DACH2: variants seen among roughly 807,000 people sequenced by gnomAD.
The protein encoded by DACH2 is dachshund homolog 2.
DACH2 carries 17 observed loss-of-function variants against 35.8 expected under a neutral mutation model. That is an observed-to-expected ratio of 0.48 (90% CI 0.33 to 0.71). The LOEUF (loss-of-function observed/expected upper bound fraction) is 0.71, where lower values mean the gene tolerates loss of function less well. Ranked by LOEUF, DACH2 falls within the 30% of genes least tolerant of loss-of-function variation. The pLI is 0.02. For missense variants in DACH2, 469 were observed against 472.7 expected, an observed-to-expected ratio of 0.99 and a Z score of 0.07; for synonymous variants, 195 against 177.3, an observed-to-expected ratio of 1.10 and a Z score of -0.79.
At chrX:86,814,378 A>G (rs1473738543) in intron 9 of DACH2, among the ~76,000 whole-genome samples, 1 of 112,140 alleles carries the variant, frequency 8.9e-6, no homozygotes, top group East Asian at 2.8e-4. Flanking sequence ...AAATGCATAT[A>G]GAGAGTCAAA....
At chrX:86,257,921 A>G (rs1169037257) in intron 1 of DACH2, among the ~76,000 whole-genome samples, 1 of 111,790 alleles carries the variant, frequency 8.9e-6, no homozygotes, top group Non-Finnish European at 1.9e-5. Context: ...TAGTTTGGTT[A>G]GAATCACCAC....
chrX:86,212,199 G>C (rs1475132613), intron 1 of DACH2, among the ~76,000 whole-genome samples: 1 of 111,618 alleles, frequency 9.0e-6, no homozygotes, highest in Non-Finnish European at 1.9e-5. Context: ...TGGCACTGCA[G>C]TTTTTGTGAG....
Position 86,813,125 on chromosome X carries a change from G to A in DACH2, c.1390-5G>A, listed in dbSNP as rs537764064. Reference sequence around the variant, plus strand: ...AACTGCATGTCATTTCCTGTACCTTGACAGGGTCTGCTGAAAGTTGCTTTG... The same window carrying A: ...AACTGCATGTCATTTCCTGTACCTTAACAGGGTCTGCTGAAAGTTGCTTTG... On this transcript the variant is annotated splice_region_variant and splice_polypyrimidine_tract_variant and intron_variant, in intron 8 of 11. Coordinates refer to ENST00000373125, the MANE Select transcript of DACH2 (RefSeq NM_053281.3). The A allele has an allele frequency of 8.3e-7, 1 of 1,204,888 alleles. No individual in the cohort carries two copies.
At chrX:86,285,046 C>CT (rs2034116839) in intron 1 of DACH2, among the ~76,000 whole-genome samples, 1 of 111,245 alleles carries the variant, frequency 9.0e-6, no homozygotes, top group Non-Finnish European at 1.9e-5. Flanking sequence ...TTTATTTAAT[C>CT]TTTTTTATTT....
intron 1 of DACH2, among the ~76,000 whole-genome samples, chrX:86,237,641 G>A (rs1397502729): frequency 9.0e-6 from 1 of 111,593 alleles, no homozygotes; most frequent in Non-Finnish European, 1.9e-5. Context: ...CTACTGGCCC[G>A]AATCTCACAC....
intron 3 of DACH2, among the ~76,000 whole-genome samples, chrX:86,603,145 G>T (rs1328679936): frequency 9.0e-6 from 1 of 111,051 alleles, no homozygotes; most frequent in Non-Finnish European, 1.9e-5. Context: ...TCCTTGGTTT[G>T]TAAGTGGCCT....
chrX:86,802,434 AT>A (rs1466788703), intron 7 of DACH2, among the ~76,000 whole-genome samples: 1 of 107,590 alleles, frequency 9.3e-6, no homozygotes, highest in Admixed American at 1.0e-4. Context: ...GAAAGCAGTG[AT>A]TTTTAAATTT....
At position 86,556,827 on chromosome X, in the gene DACH2, G is replaced by GAGAGAGAGAGA. The variant is rs551353364; in HGVS notation, c.640+42439_640+42440insGAGAGAGAAGA. ...AGAGAGAGAGAGAGAGAGAGAGAGAGAGAAGAAGAAATGTACTACGGGAAT... is the reference window on the plus strand; with the variant it reads ...AGAGAGAGAGAGAGAGAGAGAGAGAGAGAGAGAGAGAAGAAGAAGAAATGTACTACGGGAAT... On this transcript the variant is annotated intron_variant, in intron 3 of 11. Coordinates refer to ENST00000373125, the MANE Select transcript of DACH2 (RefSeq NM_053281.3). Among the ~76,000 whole-genome samples the GAGAGAGAGAGA allele has an allele frequency of 9.5e-4, 81 of 85,475 alleles. 1 individual carries two copies. The highest frequency in any genetic ancestry group is 6.9e-3 in the Middle Eastern group (1 of 144). 74.2% of individuals were successfully genotyped at this position (85,475 alleles called of 115,157 possible).
intron 1 of DACH2, among the ~76,000 whole-genome samples, chrX:86,319,492 A>G (rs1469038305): frequency 8.9e-6 from 1 of 111,918 alleles, no homozygotes; most frequent in Non-Finnish European, 1.9e-5. Context: ...CAGATAAAGT[A>G]TGACTCCTTT....
chrX:86,641,760 C>A (rs2040349784), intron 3 of DACH2, among the ~76,000 whole-genome samples: 1 of 112,017 alleles, frequency 8.9e-6, no homozygotes, highest in African/African-American at 3.2e-5. Flanking sequence ...GACCTCTCAA[C>A]TGAAATCCTA....
At chrX:86,551,837 C>T (rs941536580) in intron 3 of DACH2, among the ~76,000 whole-genome samples, 1 of 111,482 alleles carries the variant, frequency 9.0e-6, no homozygotes, top group Non-Finnish European at 1.9e-5. Flanking sequence ...GTGTGCTTTC[C>T]CCAGGTTGTG....
At chrX:86,309,746 C>T (rs2034760237) in intron 1 of DACH2, among the ~76,000 whole-genome samples, 1 of 112,223 alleles carries the variant, frequency 8.9e-6, no homozygotes, top group Admixed American at 9.4e-5. Context: ...TTTGACCCTC[C>T]TACAACCAAG....
At chrX:86,691,138 G>C (rs899332649) in intron 4 of DACH2, among the ~76,000 whole-genome samples, 3 of 111,588 alleles carry the variant, frequency 2.7e-5, no homozygotes, top group Non-Finnish European at 5.6e-5. Context: ...TAAAAATGCT[G>C]TTCAGTTTCT....
intron 7 of DACH2, among the ~76,000 whole-genome samples, chrX:86,753,806 C>T (rs2041799366): frequency 9.0e-6 from 1 of 110,512 alleles, no homozygotes; most frequent in East Asian, 2.8e-4. Flanking sequence ...GCGCTACTGA[C>T]CTGAAGGTCC....
chrX:86,296,567 A>G (rs966500279), intron 1 of DACH2, among the ~76,000 whole-genome samples: 2 of 111,039 alleles, frequency 1.8e-5, no homozygotes, highest in Admixed American at 9.6e-5. Flanking sequence ...TTATAAATTT[A>G]TATTAGAGGA....
chrX:86,194,149 A>G (rs1478367787), intron 1 of DACH2, among the ~76,000 whole-genome samples: 1 of 111,148 alleles, frequency 9.0e-6, no homozygotes, highest in Non-Finnish European at 1.9e-5. Context: ...TGCTAATTTG[A>G]CTATTGAAGA....
chrX:86,731,719 C>T (rs944713856), intron 6 of DACH2, among the ~76,000 whole-genome samples: 3 of 111,600 alleles, frequency 2.7e-5, no homozygotes, highest in Non-Finnish European at 5.7e-5. Flanking sequence ...GTGTGGATGC[C>T]TGCAAATGTC....
intron 2 of DACH2, among the ~76,000 whole-genome samples, chrX:86,444,627 TA>T (rs1269537153): frequency 8.9e-6 from 1 of 111,753 alleles, no homozygotes; most frequent in Non-Finnish European, 1.9e-5. Context: ...TCAGTTGTAA[TA>T]TCTCCTTTTT....
At chrX:86,297,671 A>G (rs965690985) in intron 1 of DACH2, among the ~76,000 whole-genome samples, 17 of 112,258 alleles carry the variant, frequency 1.5e-4, no homozygotes, top group Non-Finnish European at 3.0e-4. Context: ...GTCACACCAT[A>G]TTATGTTGGC....
Sources: allele counts gnomAD v4.1 joint callset (sites outside exome capture counted in the v4.1 genomes callset), GRCh38; gene constraint gnomAD v4.1.1; transcripts MANE v1.5; gene names NCBI Gene and HGNC (gene_info 2026-07-23, HGNC 2026-07-21).